Variants in GNAT3 observed in about 807,000 individuals in gnomAD.
GNAT3 encodes G protein subunit alpha transducin 3, also known as guanine nucleotide-binding protein G(t) subunit alpha-3.
A neutral mutation model predicts 37.7 loss-of-function variants in GNAT3; 31 were observed. The ratio of observed to expected loss-of-function variants is 0.82; its 90% CI spans 0.62 to 1.11. The LOEUF (loss-of-function observed/expected upper bound fraction) is 1.11. Among genes scored for constraint, GNAT3 ranks in the 50% most tolerant of loss-of-function variants. The probability of loss-of-function intolerance (pLI) is 0.00; values close to 1 mark genes in which losing one functional copy is unlikely to be tolerated. For synonymous variants in GNAT3, 138 were observed against 139.8 expected, an observed-to-expected ratio of 0.99 and a Z score of 0.09; for missense variants, 437 against 412.5, an observed-to-expected ratio of 1.06 and a Z score of -0.51.
chr7:80,501,129 A>G (rs183824875), intron 1 of GNAT3, among the ~76,000 whole-genome samples: 3 of 152,236 alleles, frequency 2.0e-5, no homozygotes, highest in African/African-American at 7.2e-5. Context: ...AGCAATATGA[A>G]TAAATTTGCA....
chr7:80,497,084 A>G (rs1000952079), intron 1 of GNAT3, among the ~76,000 whole-genome samples: 5 of 152,200 alleles, frequency 3.3e-5, no homozygotes, highest in African/African-American at 1.2e-4. Context: ...GTGAAATATG[A>G]CAACAAAGTT....
chr7:80,468,007 T>C (rs2116149332), intron 5 of GNAT3, among the ~76,000 whole-genome samples: 1 of 152,134 alleles, frequency 6.6e-6, no homozygotes, highest in Admixed American at 6.6e-5. Flanking sequence ...GATGGACTTC[T>C]TAAAGTTAAA....
At chr7:80,489,581 C>G (rs1790553181) in intron 2 of GNAT3, among the ~76,000 whole-genome samples, 1 of 152,058 alleles carries the variant, frequency 6.6e-6, no homozygotes, top group Non-Finnish European at 1.5e-5. Flanking sequence ...TTAGAAGCTT[C>G]CTATACAAGA....
chr7:80,503,853 G>A (rs964989002), intron 1 of GNAT3, among the ~76,000 whole-genome samples: 1 of 152,160 alleles, frequency 6.6e-6, no homozygotes, highest in Admixed American at 6.5e-5. Flanking sequence ...GTTAAGTTCT[G>A]TTATGAGGTC....
intron 4 of GNAT3, among the ~76,000 whole-genome samples, chr7:80,475,554 A>T (rs1367406788): frequency 6.6e-6 from 1 of 152,142 alleles, no homozygotes; most frequent in African/African-American, 2.4e-5. Flanking sequence ...TTATAGAAAG[A>T]TAAGATTCAA....
intron 4 of GNAT3, among the ~76,000 whole-genome samples, chr7:80,476,505 C>G (rs1317600443): frequency 1.3e-5 from 2 of 149,772 alleles, no homozygotes; most frequent in East Asian, 2.0e-4. Flanking sequence ...TGCCATACCC[C>G]TCTTCTTTCA....
At chr7:80,477,088 G>C (rs1790316527) in intron 4 of GNAT3, among the ~76,000 whole-genome samples, 1 of 152,038 alleles carries the variant, frequency 6.6e-6, no homozygotes, top group African/African-American at 2.4e-5. Flanking sequence ...ATCTATAATG[G>C]AGTAGATAGT....
chr7:80,497,928 A>G (rs934345948), intron 1 of GNAT3, among the ~76,000 whole-genome samples: 4 of 152,136 alleles, frequency 2.6e-5, no homozygotes, highest in Non-Finnish European at 4.4e-5. Context: ...TGAATTGTCT[A>G]TCTTGAGATA....
intron 3 of GNAT3, among the ~76,000 whole-genome samples, chr7:80,484,816 C>G (rs953606314): frequency 6.6e-6 from 1 of 151,944 alleles, no homozygotes; most frequent in African/African-American, 2.4e-5. Flanking sequence ...TAGCTGCTTC[C>G]CCTCTAACTA....
At chr7:80,472,569 T>A (rs1031821540) in intron 5 of GNAT3, among the ~76,000 whole-genome samples, 9 of 152,128 alleles carry the variant, frequency 5.9e-5, no homozygotes, top group African/African-American at 2.2e-4. Context: ...AACAGATACA[T>A]AAACAAGATA....
At chr7:80,475,036 T>C (rs1229855756) in intron 4 of GNAT3, among the ~76,000 whole-genome samples, 2 of 152,142 alleles carry the variant, frequency 1.3e-5, no homozygotes, top group Non-Finnish European at 2.9e-5. Flanking sequence ...TCCTGGTCTA[T>C]GCTGGAAGTG....
intron 3 of GNAT3, among the ~76,000 whole-genome samples, chr7:80,482,632 G>C (rs1790410491): frequency 6.7e-6 from 1 of 150,334 alleles, no homozygotes; most frequent in South Asian, 2.1e-4. Context: ...TCCTGCCTCA[G>C]CCTCCCAAGT....
chr7:80,460,828 A>G (rs1241375558), intron 7 of GNAT3, among the ~76,000 whole-genome samples: 3 of 152,098 alleles, frequency 2.0e-5, no homozygotes, highest in Non-Finnish European at 4.4e-5. Context: ...ATCAATTGTA[A>G]CATATGTACC....
At chr7:80,470,544 T>G (rs962017920) in intron 5 of GNAT3, among the ~76,000 whole-genome samples, 1 of 152,196 alleles carries the variant, frequency 6.6e-6, no homozygotes, top group African/African-American at 2.4e-5. Flanking sequence ...ATCAAAATAA[T>G]TTCTAGCTGG....
At chr7:80,490,694 A>G (rs1790574988) in intron 2 of GNAT3, among the ~76,000 whole-genome samples, 1 of 152,220 alleles carries the variant, frequency 6.6e-6, no homozygotes, top group South Asian at 2.1e-4. Flanking sequence ...ATTTCTTACA[A>G]TAAGCCCTTT....
intron 3 of GNAT3, among the ~76,000 whole-genome samples, chr7:80,479,389 A>G (rs1042301914): frequency 2.0e-5 from 3 of 152,026 alleles, no homozygotes; most frequent in Non-Finnish European, 2.9e-5. Flanking sequence ...TTTTTTAATC[A>G]TCGCCATGAA....
At chr7:80,461,712 T>G (rs1790053245) in intron 7 of GNAT3, among the ~76,000 whole-genome samples, 1 of 152,008 alleles carries the variant, frequency 6.6e-6, no homozygotes, top group African/African-American at 2.4e-5. Flanking sequence ...AACCGGAAAA[T>G]GAAGATGTCA....
intron 2 of GNAT3, among the ~76,000 whole-genome samples, chr7:80,490,467 A>G (rs892352421): frequency 1.3e-5 from 2 of 152,188 alleles, no homozygotes; most frequent in African/African-American, 4.8e-5. Flanking sequence ...GATGCTATAG[A>G]AAAGAAAAAG....
intron 1 of GNAT3, among the ~76,000 whole-genome samples, chr7:80,495,865 T>A (rs2116210532): frequency 6.6e-6 from 1 of 152,344 alleles, no homozygotes; most frequent in South Asian, 2.1e-4. Context: ...GAAAAATATC[T>A]GTTCATGTCC....
Sources: gnomAD v4.1 joint callset for allele counts (sites outside exome capture counted in the v4.1 genomes callset) on GRCh38, gnomAD v4.1.1 for gene constraint, MANE v1.5 for transcripts, NCBI Gene and HGNC (gene_info 2026-07-23, HGNC 2026-07-21) for gene names.